Variants in KCNMA1 observed in about 807,000 individuals in gnomAD.
The protein encoded by KCNMA1 is potassium calcium-activated channel subfamily M alpha 1.
KCNMA1 carries 29 observed loss-of-function variants against 140.0 expected under a neutral mutation model. That is an observed-to-expected ratio of 0.21 (90% confidence interval 0.15 to 0.28). The LOEUF (loss-of-function observed/expected upper bound fraction) is 0.28. Among genes scored for constraint, KCNMA1 ranks in the 10% least tolerant of loss-of-function variants. KCNMA1 has a pLI of 1.00. For missense variants in KCNMA1, 880 were observed against 1,602.2 expected, an observed-to-expected ratio of 0.55 and a Z score of 7.70; for synonymous variants, 612 against 611.9, an observed-to-expected ratio of 1.00 and a Z score of 0.00.
intron 2 of KCNMA1, among the ~76,000 whole-genome samples, chr10:77,335,083 G>A (rs762786049): frequency 6.6e-6 from 1 of 152,132 alleles, no homozygotes; most frequent in Non-Finnish European, 1.5e-5. Flanking sequence ...GCAGGCACAG[G>A]AGTGTGGAGA....
Position 77,382,722 on chromosome 10 carries a change from C to G in KCNMA1, c.540+21140G>C, listed in dbSNP as rs113240112. Among the ~76,000 whole-genome samples the G allele has an allele frequency of 7.3e-3, 1,093 of 150,638 alleles. 14 individuals carry two copies. The highest frequency in any genetic ancestry group is 0.023 in the African/African-American group (944 of 40,960). ...TCTACTAAAAATACAAAAATTAGCT[C>G]GGTGTGGTGGTGGGTGCCTGTAATC... On this transcript the variant is annotated intron_variant, in intron 2 of 27. Coordinates refer to ENST00000286628, the MANE Select transcript of KCNMA1 (RefSeq NM_001161352.2).
rs918670158 is a variant in KCNMA1 at position 77,537,246 on chromosome 10, T to C, written c.378+100019A>G. ...CATTGCTTCCCCTCCACCCCCCTGC[T>C]CCTTTAATTTCAGTGACAGGAAATG... On this transcript the variant is annotated intron_variant, in intron 1 of 27. Coordinates refer to ENST00000286628, the MANE Select transcript of KCNMA1 (RefSeq NM_001161352.2). Among the ~76,000 whole-genome samples the C allele has an allele frequency of 2.6e-5, 4 of 152,030 alleles. No homozygotes were observed. In the East Asian group the frequency reaches 7.7e-4, roughly 29 times the overall value.
intron 1 of KCNMA1, among the ~76,000 whole-genome samples, chr10:77,521,196 C>T (rs1167672562): frequency 6.6e-6 from 1 of 152,164 alleles, no homozygotes; most frequent in Non-Finnish European, 1.5e-5. Context: ...TAAAATTTGG[C>T]ATGTTCTCTG....
chr10:77,275,416 T>C (rs1169939006), intron 2 of KCNMA1, among the ~76,000 whole-genome samples: 1 of 152,166 alleles, frequency 6.6e-6, no homozygotes, highest in African/African-American at 2.4e-5. Flanking sequence ...TGAATGTTAC[T>C]TTGAGAAGGA....
chr10:77,230,940 A>G (rs554553391), intron 3 of KCNMA1, among the ~76,000 whole-genome samples: 1 of 152,242 alleles, frequency 6.6e-6, no homozygotes, highest in South Asian at 2.1e-4. Flanking sequence ...GATAACCTCA[A>G]TCAACATCTG....
intron 1 of KCNMA1, among the ~76,000 whole-genome samples, chr10:77,409,336 A>C (rs1435436471): frequency 1.3e-5 from 2 of 152,180 alleles, no homozygotes; most frequent in African/African-American, 4.8e-5. Flanking sequence ...CCACACACAC[A>C]GTGTACAGAT....
At chr10:77,266,241 C>T (rs1362176083) in intron 2 of KCNMA1, among the ~76,000 whole-genome samples, 1 of 152,026 alleles carries the variant, frequency 6.6e-6, no homozygotes, top group Non-Finnish European at 1.5e-5. Flanking sequence ...ATACTGTTTC[C>T]TTTATCATTA....
intron 2 of KCNMA1, among the ~76,000 whole-genome samples, chr10:77,267,518 ACT>A (rs2063762602): frequency 6.6e-6 from 1 of 151,820 alleles, no homozygotes; most frequent in South Asian, 2.1e-4. Flanking sequence ...CCCTTGTGAA[ACT>A]CTGTTTCATC....
intron 5 of KCNMA1, among the ~76,000 whole-genome samples, chr10:77,141,218 C>T (rs1296226837): frequency 1.3e-5 from 2 of 152,146 alleles, no homozygotes; most frequent in East Asian, 3.9e-4. Flanking sequence ...TTGGCCCACC[C>T]CCTGCTTCTT....
At chr10:77,552,404 G>A (rs1474598309) in intron 1 of KCNMA1, among the ~76,000 whole-genome samples, 1 of 152,158 alleles carries the variant, frequency 6.6e-6, no homozygotes, top group Admixed American at 6.5e-5. Context: ...AACAAGAAGT[G>A]CATAAACACA....
intron 25 of KCNMA1, among the ~76,000 whole-genome samples, chr10:76,900,906 A>AAAC (rs1207529718): frequency 6.6e-6 from 1 of 151,942 alleles, no homozygotes; most frequent in East Asian, 1.9e-4. Context: ...TAAAAAAAAA[A>AAAC]AAAACCCAGT....
At chr10:77,456,005 C>G (rs1003023116) in intron 1 of KCNMA1, among the ~76,000 whole-genome samples, 2 of 152,224 alleles carry the variant, frequency 1.3e-5, no homozygotes, top group Non-Finnish European at 2.9e-5. Flanking sequence ...TGCCATCCTC[C>G]TGGCATCTCA....
At chr10:77,528,917 G>A (rs534133710) in intron 1 of KCNMA1, among the ~76,000 whole-genome samples, 53 of 152,274 alleles carry the variant, frequency 3.5e-4, no homozygotes, top group Admixed American at 7.8e-4. Flanking sequence ...GCAGATCACA[G>A]GTTCTCAGGC....
chr10:77,170,787 G>T (rs934742387), intron 5 of KCNMA1, among the ~76,000 whole-genome samples: 2 of 152,152 alleles, frequency 1.3e-5, no homozygotes, highest in African/African-American at 4.8e-5. Context: ...TCAAGCAAAG[G>T]TGCTCATTCT....
intron 2 of KCNMA1, among the ~76,000 whole-genome samples, chr10:77,388,450 G>A (rs755405125): frequency 4.6e-5 from 7 of 152,210 alleles, no homozygotes; most frequent in African/African-American, 1.7e-4. Context: ...GTTCAAAGAC[G>A]TTTAATCATT....
intron 2 of KCNMA1, among the ~76,000 whole-genome samples, chr10:77,265,003 G>C (rs889582347): frequency 6.6e-6 from 1 of 152,010 alleles, no homozygotes; most frequent in Non-Finnish European, 1.5e-5. Context: ...TTTCATTCTC[G>C]GGCAAAGCAG....
chr10:77,476,467 T>C (rs1010314020), intron 1 of KCNMA1, among the ~76,000 whole-genome samples: 3 of 152,138 alleles, frequency 2.0e-5, no homozygotes, highest in African/African-American at 7.2e-5. Context: ...CTAAGCCCTC[T>C]TCCCTCTGCT....
chr10:76,984,702 A>G (rs952051999), intron 19 of KCNMA1, among the ~76,000 whole-genome samples: 11 of 140,826 alleles, frequency 7.8e-5, no homozygotes, highest in Non-Finnish European at 1.2e-4. Context: ...AGGCAATCCA[A>G]TCTCAGTGCT....
intron 1 of KCNMA1, among the ~76,000 whole-genome samples, chr10:77,553,061 C>CA (rs1567504313): frequency 6.9e-6 from 1 of 145,350 alleles, no homozygotes; most frequent in Non-Finnish European, 1.5e-5. Flanking sequence ...CAAAACAAAA[C>CA]AAAAAAACGC....
Sources: allele counts gnomAD v4.1 joint callset (sites outside exome capture counted in the v4.1 genomes callset), GRCh38; gene constraint gnomAD v4.1.1; transcripts MANE v1.5; gene names NCBI Gene and HGNC (gene_info 2026-07-23, HGNC 2026-07-21).